The following SLC45A1 variants were observed in gnomAD, a reference collection of about 807,000 sequenced individuals.
SLC45A1 encodes solute carrier family 45 member 1.
In SLC45A1, 28 loss-of-function variants were observed where a neutral mutation model predicts 57.6. That is an observed-to-expected ratio of 0.49 (90% CI 0.36 to 0.67). SLC45A1 has a LOEUF of 0.67. Among genes scored for constraint, SLC45A1 ranks in the 30% least tolerant of loss-of-function variants. The pLI, the probability that SLC45A1 is intolerant of heterozygous loss-of-function variation, is 0.00. For synonymous variants in SLC45A1, 459 were observed against 471.5 expected (o/e 0.97, Z 0.34); for missense variants, 814 against 1,041.5 (o/e 0.78, Z 3.01).
At chr1:8,329,184 G>A (rs1053114944) in intron 4 of SLC45A1, among the ~76,000 whole-genome samples, 1 of 152,210 alleles carries the variant, frequency 6.6e-6, no homozygotes, top group Non-Finnish European at 1.5e-5. Context: ...GGAAGGCTGA[G>A]TTGGGCGTGT....
chr1:8,334,385 C>T (rs1271763249), intron 5 of SLC45A1, among the ~76,000 whole-genome samples: 3 of 152,188 alleles, frequency 2.0e-5, no homozygotes, highest in Non-Finnish European at 2.9e-5. Flanking sequence ...CAGGGCGGAC[C>T]GCACCACAGA....
rs575990117 is a variant in SLC45A1 at position 8,343,548 on chromosome 1, T to G, written c.1981-199T>G. Among the ~76,000 whole-genome samples the G allele has an allele frequency of 1.1e-4, 17 of 152,274 alleles. No individual in the cohort carries two copies. The highest frequency in any genetic ancestry group is 2.0e-4 in the Admixed American group (3 of 15,292). ...GCCCTCTGCCCCATTAGTCATGGAT[T>G]CTTTTCATTGTCGTCATCTCTCCGA... On this transcript the variant is annotated intron_variant, in intron 8 of 8. Coordinates refer to ENST00000471889, the MANE Select transcript of SLC45A1 (RefSeq NM_001080397.3). The surrounding 1 kb of genome is among the most constrained non-coding windows in gnomAD (Gnocchi z 7.7).
intron 5 of SLC45A1, among the ~76,000 whole-genome samples, chr1:8,332,941 AC>A (rs1040981878): frequency 5.9e-5 from 9 of 152,200 alleles, no homozygotes; most frequent in African/African-American, 9.7e-5. Flanking sequence ...TTCCGGTCCT[AC>A]AAAGCCGAGT....
chr1:8,321,601 A>G (rs1640010072), intron 1 of SLC45A1, among the ~76,000 whole-genome samples: 1 of 151,920 alleles, frequency 6.6e-6, no homozygotes, highest in Admixed American at 6.6e-5. Flanking sequence ...CTCTTATCTC[A>G]GTGTCTTGGT....
intron 8 of SLC45A1, among the ~76,000 whole-genome samples, chr1:8,341,937 G>A (rs758938676): frequency 1.3e-5 from 2 of 151,522 alleles, no homozygotes; most frequent in Non-Finnish European, 2.9e-5. Context: ...GCCGGGTGCG[G>A]TGGCTCACGC....
intron 1 of SLC45A1, among the ~76,000 whole-genome samples, chr1:8,319,044 G>T (rs1639910217): frequency 6.6e-6 from 1 of 152,238 alleles, no homozygotes; most frequent in Non-Finnish European, 1.5e-5. Context: ...ACTTTGGGAG[G>T]CTGAGTCGGG....
chr1:8,342,850 G>A (rs1408227626), intron 8 of SLC45A1, among the ~76,000 whole-genome samples: 1 of 105,926 alleles, frequency 9.4e-6, no homozygotes, highest in Non-Finnish European at 2.1e-5. Context: ...AGTGGGCTGA[G>A]ATTGTGCCAC....
intron 5 of SLC45A1, among the ~76,000 whole-genome samples, chr1:8,333,346 A>G (rs1223109608): frequency 3.3e-5 from 5 of 150,862 alleles, no homozygotes; most frequent in Non-Finnish European, 7.4e-5. Context: ...CATGCTGCCC[A>G]GGCTGGTCTT....
At chr1:8,333,751 G>T (rs1367166600) in intron 5 of SLC45A1, among the ~76,000 whole-genome samples, 1 of 152,246 alleles carries the variant, frequency 6.6e-6, no homozygotes, top group Non-Finnish European at 1.5e-5. Context: ...CCTCCTTGGA[G>T]TGAGCAGGAT....
Position 8,330,646 on chromosome 1 carries a change from C to G in SLC45A1, c.1153C>G (p.His385Asp). Residue 385 changes from histidine to aspartate, a missense_variant, in exon 5 of 9, where the codon CAC (histidine) becomes GAC (aspartate). Transcript: ENST00000471889. This position sits in a 1 kb window ranked among gnomAD's most constrained non-coding sequence, Gnocchi z 8.4. ...SVLIDCFTGG[H>D]DSYLAIPGSV... ...CCTCATTGACTGCTTCACGGGCGGC[C>G]ACGACAGCTACCTGGCCATCCCTGG... is the stretch of plus-strand genomic sequence containing the variant. The G allele has an allele frequency of 6.2e-7, 1 of 1,613,466 alleles. No individual in the cohort carries two copies. Among genetic ancestry groups the G allele is most frequent in the African/African-American group, 1.3e-5 (1 of 75,060 alleles).
At chr1:8,332,902 G>A (rs1640460020) in intron 5 of SLC45A1, among the ~76,000 whole-genome samples, 1 of 152,200 alleles carries the variant, frequency 6.6e-6, no homozygotes, top group Non-Finnish European at 1.5e-5. Flanking sequence ...GTTGCAGGAG[G>A]AGAGTATATT....
chr1:8,342,123 C>T (rs574151790), intron 8 of SLC45A1, among the ~76,000 whole-genome samples: 337 of 152,238 alleles, frequency 2.2e-3, no homozygotes, highest in Non-Finnish European at 3.8e-3. Context: ...AGAAGAATGG[C>T]GTGAACCCGG....
Position 8,326,081 on chromosome 1 carries a change from G to A in SLC45A1, c.715+39G>A, listed in dbSNP as rs537167345. The stretch of plus-strand genomic sequence containing the variant: ...GCAGGGCCGAAGCTGAATCTGCCGG[G>A]CTGCAGGCTTCAGACGTGTGGCTTT... On this transcript the variant is annotated intron_variant, in intron 4 of 8. Coordinates refer to ENST00000471889, the MANE Select transcript of SLC45A1 (RefSeq NM_001080397.3). This position sits in a 1 kb window ranked among gnomAD's most constrained non-coding sequence, Gnocchi z 5.5. 4 of 1,548,062 alleles carry A rather than the reference G, an allele frequency of 2.6e-6. No homozygotes were observed. The highest frequency in any genetic ancestry group is 3.5e-6 in the Non-Finnish European group (4 of 1,135,456).
chr1:8,335,073 A>G lies in SLC45A1; in HGVS notation c.1444-364A>G, dbSNP rs1480890891. 8.5e-5 allele frequency among the ~76,000 whole-genome samples: 13 copies of G among 152,182 alleles called. No individual in the cohort carries two copies. The East Asian group carries it at 2.5e-3, about 29-fold the overall frequency. On this transcript the variant is annotated intron_variant, in intron 5 of 8. Coordinates refer to ENST00000471889, the MANE Select transcript of SLC45A1 (RefSeq NM_001080397.3). This position sits in a 1 kb window ranked among gnomAD's most constrained non-coding sequence, Gnocchi z 4.1. ...AAGTCGTTCCCAGTCTTCTTTTACA[A>G]AAAAGAAAGGACTTCCTAGGCGTGT...
intron 6 of SLC45A1, among the ~76,000 whole-genome samples, chr1:8,336,396 C>G (rs181771016): frequency 2.2e-5 from 3 of 138,276 alleles, no homozygotes; most frequent in Admixed American, 7.5e-5. Context: ...GGTGACAAAG[C>G]AAGACTCCAT....
Position 8,330,420 on chromosome 1 carries a change from G to T in SLC45A1, c.927G>T (p.Pro309=), listed in dbSNP as rs763541042. 2 of 1,611,232 alleles carry T rather than the reference G, an allele frequency of 1.2e-6. No individual in the cohort carries two copies. The highest frequency in any genetic ancestry group is 1.3e-5 in the African/African-American group (1 of 74,932). The change falls in exon 5 of 9, where the codon CCG becomes CCT. Residue 309 remains proline, a synonymous_variant. Transcript: ENST00000471889. The surrounding 1 kb of genome is among the most constrained non-coding windows in gnomAD (Gnocchi z 8.4). ...CAGCCATGAAGAGCCCCAGCCTCCC[G>T]CTGCCCCCGTCCCCACCCGTCCTGC... ...KRAAMKSPSL[P]LPPSPPVLPE...
rs1381482877 is a variant in SLC45A1 at position 8,344,159 on chromosome 1, C to T, written c.*146C>T. 1.3e-6 allele frequency: 1 copy of T among 779,010 alleles called. No individual in the cohort carries two copies. Among genetic ancestry groups the T allele is most frequent in the East Asian group, 2.8e-5 (1 of 35,528 alleles). The allele number at this position is 779,010 out of a possible 1,614,324, so 48.3% of individuals were successfully genotyped here. A position where few individuals can be genotyped will look rare whatever the true frequency, so the allele number is the denominator to read the frequency against. On this transcript the variant is annotated 3_prime_UTR_variant, in exon 9 of 9. Coordinates refer to ENST00000471889, the MANE Select transcript of SLC45A1 (RefSeq NM_001080397.3). The stretch of plus-strand genomic sequence containing the variant: ...GTGATAAAATAATAAATGACAGCGG[C>T]AAAGCCTATGGTTTCTAGGCATTGC...
chr1:8,343,741 G>A lies in SLC45A1; in HGVS notation c.1981-6G>A, dbSNP rs774534861. 11 of 1,601,508 alleles carry A rather than the reference G, an allele frequency of 6.9e-6. No individual in the cohort carries two copies. The highest frequency in any genetic ancestry group is 8.5e-7 in the Non-Finnish European group (1 of 1,170,136). On this transcript the variant is annotated splice_polypyrimidine_tract_variant and splice_region_variant and intron_variant, in intron 8 of 8. Transcript: ENST00000471889. The surrounding 1 kb of genome is among the most constrained non-coding windows in gnomAD (Gnocchi z 7.7). Reference sequence around the variant, plus strand: ...TCTCGCTGACACGTTTCTTCCTCTGGGTCAGTTTGCAGGGTCCAGTGCGGA... The same window carrying A: ...TCTCGCTGACACGTTTCTTCCTCTGAGTCAGTTTGCAGGGTCCAGTGCGGA...
chr1:8,335,005 A>G lies in SLC45A1; in HGVS notation c.1444-432A>G, dbSNP rs1367704391. The stretch of plus-strand genomic sequence containing the variant: ...TGTGTGGTGGGGGTTCCACCTGTCC[A>G]GAGAGAATTTTGAACACATGTTCCT... On this transcript the variant is annotated intron_variant, in intron 5 of 8. Coordinates refer to ENST00000471889, the MANE Select transcript of SLC45A1 (RefSeq NM_001080397.3). The surrounding 1 kb of genome is among the most constrained non-coding windows in gnomAD (Gnocchi z 4.1). Among the ~76,000 whole-genome samples the G allele has an allele frequency of 6.6e-6, 1 of 152,190 alleles. No individual in the cohort carries two copies. The highest frequency in any genetic ancestry group is 1.5e-5 in the Non-Finnish European group (1 of 68,036).
Sources: allele counts gnomAD v4.1 joint callset (sites outside exome capture counted in the v4.1 genomes callset), GRCh38; gene constraint gnomAD v4.1.1; non-coding constraint Gnocchi (gnomAD v3.1); transcripts MANE v1.5; gene names NCBI Gene and HGNC (gene_info 2026-07-23, HGNC 2026-07-21).